Variants in OR11A1 observed in about 807,000 individuals in gnomAD.
The protein encoded by OR11A1 is olfactory receptor family 11 subfamily A member 1.
For synonymous variants in OR11A1, 158 were observed against 152.2 expected (o/e 1.04, Z -0.28); for missense variants, 380 against 378.2 (o/e 1.00, Z -0.04).
chr6:29,426,493 T>G lies in OR11A1; in HGVS notation c.*201A>C. 1.8e-6 allele frequency: 1 copy of G among 553,554 alleles called. No individual in the cohort carries two copies. The highest frequency in any genetic ancestry group is 2.9e-5 in the South Asian group (1 of 34,378). The allele number at this position is 553,554 out of a possible 1,614,324, so 34.3% of individuals were successfully genotyped here. A position where few individuals can be genotyped will look rare whatever the true frequency, so the allele number is the denominator to read the frequency against. On this transcript the variant is annotated 3_prime_UTR_variant, in exon 5 of 5. Transcript: ENST00000377149. The stretch of plus-strand genomic sequence containing the variant: ...AACCCCCATGACACAAGTTTACCTA[T>G]GTAACAAACCTGCACATGTACCCTT...
intron 1 of OR11A1, among the ~76,000 whole-genome samples, chr6:29,436,537 A>G (rs1292376578): frequency 1.3e-5 from 2 of 152,226 alleles, no homozygotes; most frequent in African/African-American, 4.8e-5. Flanking sequence ...AAGGTTATTT[A>G]TTGATCAGGT....
At chr6:29,443,207 TA>T (rs1269614915) in intron 1 of OR11A1, among the ~76,000 whole-genome samples, 10 of 152,174 alleles carry the variant, frequency 6.6e-5, no homozygotes, top group African/African-American at 2.4e-4. Context: ...CATGACATTA[TA>T]GGCGCAATCA....
Position 29,426,761 on chromosome 6 carries a change from C to T in OR11A1, c.881G>A (p.Arg294Lys). The T allele has an allele frequency of 6.2e-7, 1 of 1,613,010 alleles. No individual in the cohort carries two copies. Among genetic ancestry groups the T allele is most frequent in the African/African-American group, 1.3e-5 (1 of 75,020 alleles). Reference protein sequence around the residue: ...PLFNPVIYTMRNKEVHQALRK... With the variant: ...PLFNPVIYTMKNKEVHQALRK... ...AAGTGCCTGATGCACCTCCTTGTTC[C>T]TCATGGTATAGATCACAGGATTGAA... The change falls in exon 5 of 5, where the codon AGG becomes AAG. Residue 294 changes from arginine to lysine, a missense_variant. Transcript: ENST00000377149.
chr6:29,428,159 C>T (rs1245291695), intron 4 of OR11A1: 1 of 801,838 alleles, frequency 1.2e-6, no homozygotes, highest in African/African-American at 1.9e-5. Context: ...TCTCATTCTT[C>T]TCATTATCTC....
At chr6:29,436,245 T>C (rs1783618787) in intron 1 of OR11A1, among the ~76,000 whole-genome samples, 1 of 152,164 alleles carries the variant, frequency 6.6e-6, no homozygotes, top group Admixed American at 6.5e-5. Context: ...TGTAAACAAG[T>C]GTCCTTTTCA....
At position 29,427,271 on chromosome 6, in the gene OR11A1, T is replaced by C. The variant is rs2151359364; in HGVS notation, c.371A>G (p.Tyr124Cys). Residue 124 changes from tyrosine (Y) to cysteine (C), a missense_variant, in exon 5 of 5, where the codon TAC becomes TGC. By Grantham distance (194) the Tyr-to-Cys change is radical. Coordinates refer to ENST00000377149, the MANE Select transcript of OR11A1 (RefSeq NM_001394828.1). Reference protein sequence around the residue: ...LLLAVMAYDRYLAICYPLHYP... With the variant: ...LLLAVMAYDRCLAICYPLHYP... ...GTGGAGTGGGTAGCAAATTGCCAGGTAGCGGTCATATGCCATGACAGCCAG... is the reference window on the plus strand; with the variant it reads ...GTGGAGTGGGTAGCAAATTGCCAGGCAGCGGTCATATGCCATGACAGCCAG... 6.2e-7 allele frequency: 1 copy of C among 1,613,046 alleles called. No individual in the cohort carries two copies. The highest frequency in any genetic ancestry group is 2.2e-5 in the East Asian group (1 of 44,868).
chr6:29,431,415 A>T (rs1408880308), intron 2 of OR11A1, among the ~76,000 whole-genome samples: 2 of 152,174 alleles, frequency 1.3e-5, no homozygotes, highest in Non-Finnish European at 2.9e-5. Flanking sequence ...AAAAGGTTTT[A>T]AAAGAAAACA....
At chr6:29,449,413 T>C (rs962449059) in intron 1 of OR11A1, among the ~76,000 whole-genome samples, 1 of 152,242 alleles carries the variant, frequency 6.6e-6, no homozygotes, top group Non-Finnish European at 1.5e-5. Flanking sequence ...ATACTCTAGC[T>C]ATCTTGCCCC....
chr6:29,456,536 C>A (rs1786318076), intron 1 of OR11A1, among the ~76,000 whole-genome samples: 1 of 151,916 alleles, frequency 6.6e-6, no homozygotes, highest in African/African-American at 2.4e-5. Flanking sequence ...AATTAAAAAG[C>A]TATAAAAGCT....
rs546242533 is a variant in OR11A1, at chr6:29,425,582, C to A, written c.*1112G>T. 1 of 152,204 alleles carries A rather than the reference C, an allele frequency of 6.6e-6. No individual in the cohort carries two copies. The highest frequency in any genetic ancestry group is 2.1e-4 in the South Asian group (1 of 4,820). 9.4% of individuals were successfully genotyped at this position (152,204 alleles called of 1,614,324 possible). A position where few individuals can be genotyped will look rare whatever the true frequency, so the allele number is the denominator to read the frequency against. On this transcript the variant is annotated 3_prime_UTR_variant, in exon 5 of 5. Coordinates refer to ENST00000377149, the MANE Select transcript of OR11A1 (RefSeq NM_001394828.1). Reference sequence around the variant, plus strand: ...ATATGTGGAATATGTACATACATAACTTACACAACATAATAGTTATACAAC... The same window carrying A: ...ATATGTGGAATATGTACATACATAAATTACACAACATAATAGTTATACAAC...
chr6:29,448,702 T>A (rs1222423714), intron 1 of OR11A1, among the ~76,000 whole-genome samples: 1 of 152,256 alleles, frequency 6.6e-6, no homozygotes, highest in Non-Finnish European at 1.5e-5. Flanking sequence ...TCAAGCCTTC[T>A]GTATTCCTTC....
chr6:29,427,328 A>C lies in OR11A1; in HGVS notation c.314T>G (p.Phe105Cys). 1 of 1,613,112 alleles carries C rather than the reference A, an allele frequency of 6.2e-7. No homozygotes were observed. The highest frequency in any genetic ancestry group is 1.1e-5 in the South Asian group (1 of 91,084). ...GCATTCAGCTGTGGCTAGAGAGCCG[A>C]AGATAAAGAACTGGAGCAAGCAACC... ...VAGCLLQFFI[F>C]GSLATAECLL... Residue 105 changes from phenylalanine (F) to cysteine (C), a missense_variant, in exon 5 of 5, where the codon TTC becomes TGC. Physicochemically the swap from Phe to Cys is radical, Grantham distance 205 (BLOSUM62 -2). Coordinates refer to ENST00000377149, the MANE Select transcript of OR11A1 (RefSeq NM_001394828.1).
At chr6:29,428,119 G>A (rs1228394918) in intron 4 of OR11A1, 1 of 566,416 alleles carries the variant, frequency 1.8e-6, no homozygotes, top group African/African-American at 2.0e-5. Flanking sequence ...TGAGTGGTTT[G>A]AGAATTCTGT....
rs114472506 is a variant in OR11A1, at chr6:29,452,510, G to A, written c.-389+4477C>T. Among the ~76,000 whole-genome samples, 1,271 of 152,060 alleles carry A rather than the reference G, an allele frequency of 8.4e-3. 19 individuals are homozygous for A. The highest frequency in any genetic ancestry group is 0.027 in the African/African-American group (1,138 of 41,464). On this transcript the variant is annotated intron_variant, in intron 1 of 4. Coordinates refer to ENST00000377149, the MANE Select transcript of OR11A1 (RefSeq NM_001394828.1). ...TTTAAAAAGAAAAATCTGAAAACCC[G>A]CTGAAGTGGTAGAGACATATTGCAT...
intron 1 of OR11A1, among the ~76,000 whole-genome samples, chr6:29,447,018 C>T (rs1431543583): frequency 6.6e-6 from 1 of 152,228 alleles, no homozygotes; most frequent in Non-Finnish European, 1.5e-5. Context: ...AATTACTCAA[C>T]TTTTCACGAG....
At chr6:29,432,235 T>C (rs190676468) in intron 1 of OR11A1, among the ~76,000 whole-genome samples, 221 of 152,110 alleles carry the variant, frequency 1.5e-3, no homozygotes, top group Non-Finnish European at 1.3e-3. Flanking sequence ...CCTAAGGAAA[T>C]TGTATTTTTT....
chr6:29,437,543 TG>T, intron 1 of OR11A1, among the ~76,000 whole-genome samples: 4 of 148,678 alleles, frequency 2.7e-5, no homozygotes, highest in African/African-American at 7.8e-5. Context: ...TCAAAAATCA[TG>T]AATGACATTT....
In OR11A1 at chr6:29,428,198, A is replaced by T. The variant is rs1252701581; in HGVS notation, c.-91-466T>A. The T allele has an allele frequency of 5.1e-6, 5 of 980,872 alleles. No homozygotes were observed. The African/African-American group carries it at 8.8e-5, about 17-fold the overall frequency. 60.8% of individuals were successfully genotyped at this position (980,872 alleles called of 1,614,324 possible). A position where few individuals can be genotyped will look rare whatever the true frequency, so the allele number is the denominator to read the frequency against. ...CGCCCCTTTCATTCCCCATCTCCTA[A>T]TCAGTGATACCTTACCAACTGTTCC... is the stretch of plus-strand genomic sequence containing the variant. On this transcript the variant is annotated intron_variant, in intron 4 of 4. Coordinates refer to ENST00000377149, the MANE Select transcript of OR11A1 (RefSeq NM_001394828.1).
rs1782915582 is a variant in OR11A1 at position 29,427,474 on chromosome 6, C to A, written c.168G>T (p.Arg56Ser). The change falls in exon 5 of 5, where the codon AGG becomes AGT. Residue 56 changes from arginine to serine, a missense_variant. Physicochemically the swap from Arg to Ser is moderately radical, Grantham distance 110. Coordinates refer to ENST00000377149, the MANE Select transcript of OR11A1 (RefSeq NM_001394828.1). ...LIIVAVVSSQ[R>S]LHKPMYIFLA... ...AGAAAATATACATGGGTTTGTGGAG[C>A]CTCTGGGAGCTAACCACTGCTACAA... The A allele has an allele frequency of 6.2e-7, 1 of 1,612,970 alleles. No homozygotes were observed. Among genetic ancestry groups the A allele is most frequent in the Middle Eastern group, 1.6e-4 (1 of 6,062 alleles).
Sources: gnomAD v4.1 joint callset for allele counts (sites outside exome capture counted in the v4.1 genomes callset) on GRCh38, gnomAD v4.1.1 for gene constraint, MANE v1.5 for transcripts, NCBI Gene and HGNC (gene_info 2026-07-23, HGNC 2026-07-21) for gene names.